The following LRP1B variants were observed in gnomAD, a reference collection of about 807,000 sequenced individuals.
The protein encoded by LRP1B is LDL receptor related protein 1B.
A neutral mutation model predicts 556.6 loss-of-function variants in LRP1B; 217 were observed. That is an observed-to-expected ratio of 0.39 (90% CI 0.35 to 0.44). LRP1B has a LOEUF of 0.44. LRP1B is among the 20% of genes least tolerant of loss of function. The probability of loss-of-function intolerance (pLI) is 1.00; values close to 1 mark genes in which losing one functional copy is unlikely to be tolerated. For synonymous variants in LRP1B, 2,047 were observed against 1,865.8 expected (o/e 1.10, Z -2.50); for missense variants, 5,053 against 5,620.8 (o/e 0.90, Z 3.23).
chr2:140,504,509 C>T (rs1431181394), intron 53 of LRP1B, among the ~76,000 whole-genome samples: 3 of 152,098 alleles, frequency 2.0e-5, no homozygotes, highest in African/African-American at 7.2e-5. Context: ...ATTAATATTA[C>T]TTATCCTCGT....
intron 1 of LRP1B, among the ~76,000 whole-genome samples, chr2:141,925,740 C>A (rs551727085): frequency 3.9e-5 from 6 of 152,146 alleles, no homozygotes; most frequent in African/African-American, 7.2e-5. Flanking sequence ...TATAGACATG[C>A]CTCTGGAAGC....
chr2:141,143,312 G>C (rs1701704266), intron 7 of LRP1B, among the ~76,000 whole-genome samples: 1 of 152,034 alleles, frequency 6.6e-6, no homozygotes. Context: ...TTTATGTAGG[G>C]ATAGCATTAA....
At chr2:142,065,120 A>G (rs548798566) in intron 1 of LRP1B, among the ~76,000 whole-genome samples, 2 of 151,568 alleles carry the variant, frequency 1.3e-5, no homozygotes, top group Non-Finnish European at 3.0e-5. Flanking sequence ...GACTTTCATT[A>G]TATAACTATC....
intron 1 of LRP1B, among the ~76,000 whole-genome samples, chr2:142,046,058 C>T (rs915993306): frequency 3.3e-5 from 5 of 151,782 alleles, no homozygotes; most frequent in East Asian, 1.9e-4. Flanking sequence ...TAAACCAGAG[C>T]GCTAATTGAT....
intron 20 of LRP1B, among the ~76,000 whole-genome samples, chr2:140,923,436 G>A (rs529351905): frequency 1.5e-3 from 224 of 152,000 alleles, no homozygotes; most frequent in Non-Finnish European, 1.3e-3. Flanking sequence ...GATAATTTGC[G>A]GATATTCTGT....
chr2:141,544,328 C>CTTCTTCTTCTT lies in LRP1B; in HGVS notation c.206-63806_206-63796dup, dbSNP rs1559131022. ...TCTTCTTCTTCTTCTTCTTCTTCTT[C>CTTCTTCTTCTT]TTCTTCTTCTTCTTCTTCTTCTTCT... On this transcript the variant is annotated intron_variant, in intron 2 of 90. Transcript: ENST00000389484. Among the ~76,000 whole-genome samples the CTTCTTCTTCTT allele has an allele frequency of 2.1e-3, 78 of 36,950 alleles. 1 individual carries two copies. The South Asian group carries it at 0.028, about 13-fold the overall frequency. 24.2% of individuals were successfully genotyped at this position (36,950 alleles called of 152,430 possible).
intron 1 of LRP1B, among the ~76,000 whole-genome samples, chr2:141,953,815 C>CAATT (rs1372262162): frequency 1.3e-5 from 2 of 152,074 alleles, no homozygotes; most frequent in Non-Finnish European, 2.9e-5. Flanking sequence ...ATGCAAGATG[C>CAATT]AATTATTGGT....
intron 30 of LRP1B, 110 bp downstream of exon 30, chr2:140,840,808 C>T (rs1692078118): frequency 4.0e-6 from 3 of 746,460 alleles, no homozygotes; most frequent in Middle Eastern, 3.1e-4. Flanking sequence ...TTTTTTAACT[C>T]TTATGGCTGT....
intron 55 of LRP1B, 25 bp from the exon 56 acceptor site, chr2:140,495,773 T>A (rs2104874602): frequency 6.4e-7 from 1 of 1,564,318 alleles, no homozygotes; most frequent in South Asian, 1.1e-5. Flanking sequence ...ATGAGCATAA[T>A]CAATTCATAT....
chr2:140,670,642 A>T (rs1278380431), intron 41 of LRP1B, among the ~76,000 whole-genome samples: 1 of 151,662 alleles, frequency 6.6e-6, no homozygotes, highest in Non-Finnish European at 1.5e-5. Flanking sequence ...TGAACTGAGG[A>T]ACCAATGTTA....
chr2:141,780,015 A>C (rs543806678), intron 2 of LRP1B, among the ~76,000 whole-genome samples: 1 of 150,724 alleles, frequency 6.6e-6, no homozygotes, highest in South Asian at 2.1e-4. Flanking sequence ...TATTTCTAGA[A>C]ATTAAAGATT....
chr2:142,003,075 T>G (rs2105140404), intron 1 of LRP1B, among the ~76,000 whole-genome samples: 1 of 152,334 alleles, frequency 6.6e-6, no homozygotes, highest in South Asian at 2.1e-4. Flanking sequence ...TCATGCATAT[T>G]TATGCCAACA....
chr2:140,748,755 TA>T (rs1688446048), intron 35 of LRP1B, among the ~76,000 whole-genome samples: 2 of 134,064 alleles, frequency 1.5e-5, no homozygotes, highest in Non-Finnish European at 3.1e-5. Flanking sequence ...ATATGATATA[TA>T]TTATATACAT....
At chr2:141,925,747 A>G (rs1267041808) in intron 1 of LRP1B, among the ~76,000 whole-genome samples, 1 of 152,182 alleles carries the variant, frequency 6.6e-6, no homozygotes, top group Admixed American at 6.5e-5. Flanking sequence ...ATGCCTCTGG[A>G]AGCAATTTCT....
At chr2:140,465,894 T>A (rs1687525494) in intron 60 of LRP1B, among the ~76,000 whole-genome samples, 1 of 152,096 alleles carries the variant, frequency 6.6e-6, no homozygotes, top group South Asian at 2.1e-4. Context: ...GAATTGTATT[T>A]TGCTCCCTTC....
intron 2 of LRP1B, among the ~76,000 whole-genome samples, chr2:141,521,606 A>T (rs1171599302): frequency 2.0e-5 from 3 of 151,856 alleles, no homozygotes; most frequent in Admixed American, 6.6e-5. Flanking sequence ...TATATATATA[A>T]AACAATCATA....
At chr2:141,248,333 G>A (rs1234752555) in intron 4 of LRP1B, among the ~76,000 whole-genome samples, 1 of 152,140 alleles carries the variant, frequency 6.6e-6, no homozygotes, top group Non-Finnish European at 1.5e-5. Flanking sequence ...CCCTGAGTAA[G>A]ACGAGTCTAG....
chr2:141,906,397 T>TA (rs909497830), intron 1 of LRP1B, among the ~76,000 whole-genome samples: 1 of 152,020 alleles, frequency 6.6e-6, no homozygotes, highest in African/African-American at 2.4e-5. Context: ...CAAAGCAAAC[T>TA]ACTCTTTTCA....
At position 140,424,472 on chromosome 2, in the gene LRP1B, C is replaced by T. The variant is rs186716791; in HGVS notation, c.10414+18032G>A. Reference sequence around the variant, plus strand: ...AAAATTCTACTTTTCCAGTAAACCTCACCATGCTTATAGAAAATTCACGAG... The same window carrying T: ...AAAATTCTACTTTTCCAGTAAACCTTACCATGCTTATAGAAAATTCACGAG... On this transcript the variant is annotated intron_variant, in intron 66 of 90. Coordinates refer to ENST00000389484, the MANE Select transcript of LRP1B (RefSeq NM_018557.3). 1.6e-3 allele frequency among the ~76,000 whole-genome samples: 242 copies of T among 152,306 alleles called. 1 individual carries two copies. Among genetic ancestry groups the T allele is most frequent in the African/African-American group, 5.4e-3 (225 of 41,568 alleles).
Sources: gnomAD v4.1 joint callset for allele counts (sites outside exome capture counted in the v4.1 genomes callset) on GRCh38, gnomAD v4.1.1 for gene constraint, MANE v1.5 for transcripts, NCBI Gene and HGNC (gene_info 2026-07-23, HGNC 2026-07-21) for gene names.